WIPF1: variants seen among roughly 807,000 people sequenced by gnomAD.
WIPF1 encodes WAS/WASL interacting protein family member 1.
WIPF1 carries 13 observed loss-of-function variants against 35.4 expected under a neutral mutation model. That is an observed-to-expected ratio of 0.37 (90% confidence interval 0.24 to 0.58). The LOEUF (loss-of-function observed/expected upper bound fraction) is 0.58, where lower values mean the gene tolerates loss of function less well. WIPF1 is among the 20% of genes least tolerant of loss of function. The pLI is 0.74. For synonymous variants in WIPF1, 267 were observed against 266.3 expected (o/e 1.00, Z -0.02); for missense variants, 591 against 667.0 (o/e 0.89, Z 1.25).
chr2:174,669,898 T>C (rs918100729), intron 1 of WIPF1, among the ~76,000 whole-genome samples: 3 of 152,106 alleles, frequency 2.0e-5, no homozygotes, highest in Non-Finnish European at 4.4e-5. Context: ...AATTTAAAAA[T>C]AATTTTAAAA....
rs6732100 is a variant in WIPF1 at position 174,562,022 on chromosome 2, A to G, written c.*525T>C. Reference sequence around the variant, plus strand: ...TATATGGGGCTCACATTATATTTCTATTGGACAGCTCTGTCCTAGAGCCAA... The same window carrying G: ...TATATGGGGCTCACATTATATTTCTGTTGGACAGCTCTGTCCTAGAGCCAA... On this transcript the variant is annotated 3_prime_UTR_variant, in exon 8 of 8. Coordinates refer to ENST00000679041, the MANE Select transcript of WIPF1 (RefSeq NM_001375834.1). The G allele has an allele frequency of 0.11, 161,001 of 1,528,192 alleles. 9,780 individuals are homozygous for G. The highest frequency in any genetic ancestry group is 0.27 in the African/African-American group (19,358 of 72,552). 94.7% of individuals were successfully genotyped at this position (1,528,192 alleles called of 1,614,324 possible).
chr2:174,648,772 C>T (rs151103228), intron 1 of WIPF1, among the ~76,000 whole-genome samples: 24 of 152,182 alleles, frequency 1.6e-4, no homozygotes, highest in African/African-American at 4.6e-4. Flanking sequence ...TGCAAGAATT[C>T]GGCTTTTAAA....
At chr2:174,664,585 T>C (rs1344715005) in intron 1 of WIPF1, among the ~76,000 whole-genome samples, 2 of 152,208 alleles carry the variant, frequency 1.3e-5, no homozygotes, top group East Asian at 1.9e-4. Context: ...TGCCCTCTCT[T>C]GTGTTCCGTG....
intron 1 of WIPF1, among the ~76,000 whole-genome samples, chr2:174,635,797 C>G (rs889708400): frequency 1.3e-5 from 2 of 152,082 alleles, no homozygotes; most frequent in African/African-American, 4.8e-5. Flanking sequence ...TAGACATATT[C>G]CAAGTCTTGA....
At chr2:174,625,562 C>T (rs1686805589) in intron 1 of WIPF1, 1 of 152,188 alleles carries the variant, frequency 6.6e-6, no homozygotes, top group Non-Finnish European at 1.5e-5. Context: ...CAATGGGGCT[C>T]ATGGGAGTGC....
intron 4 of WIPF1, 77 bp from the exon 5 acceptor site, chr2:174,572,523 G>A: frequency 1.3e-6 from 2 of 1,570,232 alleles, no homozygotes; most frequent in South Asian, 2.3e-5. Flanking sequence ...TCTGTTCCCA[G>A]TGACTGGAAG....
chr2:174,600,438 C>G (rs965585822), upstream of WIPF1, among the ~76,000 whole-genome samples: 1 of 152,188 alleles, frequency 6.6e-6, no homozygotes, highest in Non-Finnish European at 1.5e-5. Flanking sequence ...AGATCTGGCC[C>G]CTCCTTAACT....
At chr2:174,576,244 A>C (rs1264469899) in intron 3 of WIPF1, among the ~76,000 whole-genome samples, 1 of 150,596 alleles carries the variant, frequency 6.6e-6, no homozygotes. Context: ...AAAAAAAAAA[A>C]AAAAACACTA....
At chr2:174,596,407 A>G (rs1296445540) in intron 1 of WIPF1, among the ~76,000 whole-genome samples, 1 of 152,242 alleles carries the variant, frequency 6.6e-6, no homozygotes, top group African/African-American at 2.4e-5. Context: ...TTGTAAGAGT[A>G]TGATTTCCAC....
intron 1 of WIPF1, among the ~76,000 whole-genome samples, chr2:174,617,431 T>G (rs1686541427): frequency 6.6e-6 from 1 of 152,240 alleles, no homozygotes; most frequent in Admixed American, 6.5e-5. Flanking sequence ...AATGATGATG[T>G]TACAAAGCCT....
At chr2:174,633,836 T>C (rs1687103602) in intron 1 of WIPF1, among the ~76,000 whole-genome samples, 1 of 152,204 alleles carries the variant, frequency 6.6e-6, no homozygotes, top group South Asian at 2.1e-4. Flanking sequence ...GGGCTGTGCC[T>C]GCTCCTTAAA....
chr2:174,570,347 C>G (rs944965514), intron 5 of WIPF1: 1 of 152,172 alleles, frequency 6.6e-6, no homozygotes, highest in Non-Finnish European at 1.5e-5. Context: ...AGAATGTTAT[C>G]AATGATTATT....
rs1035411442 is a variant in WIPF1 at position 174,562,658 on chromosome 2, G to A, written c.1457-56C>T. On this transcript the variant is annotated intron_variant, in intron 7 of 7. Coordinates refer to ENST00000679041, the MANE Select transcript of WIPF1 (RefSeq NM_001375834.1). ...TGGTTAGAAAGCTGATGTTCTCATC[G>A]TGGAAACTCGGGGATGGTTGCACGG... 1.1e-5 allele frequency: 18 copies of A among 1,599,688 alleles called. No homozygotes were observed. The South Asian group carries it at 1.5e-4, about 13-fold the overall frequency.
intron 3 of WIPF1, among the ~76,000 whole-genome samples, chr2:174,576,563 A>G (rs1183293925): frequency 3.9e-5 from 6 of 152,214 alleles, no homozygotes; most frequent in Non-Finnish European, 7.3e-5. Flanking sequence ...CATTCTTTGC[A>G]ATTTGAGAGG....
intron 3 of WIPF1, chr2:174,581,085 G>A (rs1685226558): frequency 7.7e-6 from 3 of 388,708 alleles, no homozygotes; most frequent in South Asian, 4.1e-5. Context: ...TTGCTGCTGT[G>A]TATGTCTTGG....
intron 1 of WIPF1, among the ~76,000 whole-genome samples, chr2:174,626,693 T>A (rs1164299891): frequency 6.6e-6 from 1 of 152,168 alleles, no homozygotes; most frequent in African/African-American, 2.4e-5. Flanking sequence ...CAACTGCCAA[T>A]CTTGCTGGTT....
chr2:174,680,182 C>A (rs1044207034), intron 1 of WIPF1, among the ~76,000 whole-genome samples: 2 of 152,206 alleles, frequency 1.3e-5, no homozygotes, highest in Non-Finnish European at 2.9e-5. Flanking sequence ...CATTCAGGCG[C>A]AGACTTCATC....
Position 174,675,344 on chromosome 2 carries a change from AATTTTT to A in WIPF1, c.-39+7424_-39+7429del, listed in dbSNP as rs148571907. Among the ~76,000 whole-genome samples the A allele has an allele frequency of 8.1e-3, 1,227 of 152,246 alleles. 17 individuals carry two copies. The highest frequency in any genetic ancestry group is 0.028 in the African/African-American group (1,171 of 41,556). ...CTGAATAAATTTACAACTACAATGT[AATTTTT>A]ATTTTTATCTACTTATTTTTTTTTA... is the stretch of plus-strand genomic sequence containing the variant. On this transcript the variant is annotated intron_variant, in intron 1 of 8. Transcript: ENST00000272746.
chr2:174,585,342 C>T (rs567435729), intron 2 of WIPF1, among the ~76,000 whole-genome samples, 181 bp downstream of exon 2: 1 of 152,298 alleles, frequency 6.6e-6, no homozygotes, highest in African/African-American at 2.4e-5. Flanking sequence ...CAAACAAAAC[C>T]CTTCGTGTTG....
Sources: allele counts gnomAD v4.1 joint callset (sites outside exome capture counted in the v4.1 genomes callset), GRCh38; gene constraint gnomAD v4.1.1; transcripts MANE v1.5; gene names NCBI Gene and HGNC (gene_info 2026-07-23, HGNC 2026-07-21).